Variants in EFCAB13 observed in about 807,000 individuals in gnomAD.
EFCAB13 encodes the protein EF-hand calcium-binding domain-containing protein 13.
Under a neutral mutation model 110.2 loss-of-function variants are expected in EFCAB13, and 91 were observed. That is an observed-to-expected ratio of 0.83 (90% confidence interval 0.70 to 0.98). The LOEUF (loss-of-function observed/expected upper bound fraction) is 0.98. EFCAB13 is among the 50% of genes least tolerant of loss of function. The pLI is 0.00. For missense variants in EFCAB13, 968 were observed against 1,119.4 expected, an observed-to-expected ratio of 0.86 and a Z score of 1.93; for synonymous variants, 323 against 369.9, an observed-to-expected ratio of 0.87 and a Z score of 1.45.
intron 14 of EFCAB13, among the ~76,000 whole-genome samples, chr17:47,383,274 T>C (rs754344322): frequency 1.3e-5 from 2 of 152,172 alleles, no homozygotes; most frequent in Non-Finnish European, 2.9e-5. Flanking sequence ...CATGTCTCTA[T>C]CTCTTTCTGT....
chr17:47,324,414 C>T (rs1246063354), intron 1 of EFCAB13, 40 bp from the exon 2 acceptor site: 1 of 152,072 alleles, frequency 6.6e-6, no homozygotes, highest in Non-Finnish European at 1.5e-5. Context: ...TCTTGCGGGT[C>T]GTTCACTCGC....
chr17:47,327,746 C>T (rs1598714012), intron 3 of EFCAB13, among the ~76,000 whole-genome samples: 2 of 152,134 alleles, frequency 1.3e-5, no homozygotes, highest in South Asian at 2.1e-4. Flanking sequence ...TGAACCACTG[C>T]GCCCGGCCTA....
chr17:47,416,065 T>C lies in EFCAB13; in HGVS notation c.2494+1146T>C, dbSNP rs117989602. On this transcript the variant is annotated intron_variant, in intron 23 of 24. Transcript: ENST00000331493. Reference sequence around the variant, plus strand: ...GTCTTTGTATCACATTTTTTACATTTTAATATCTCTAAAATTGGATGCCTT... The same window carrying C: ...GTCTTTGTATCACATTTTTTACATTCTAATATCTCTAAAATTGGATGCCTT... Among the ~76,000 whole-genome samples the C allele has an allele frequency of 4.8e-3, 727 of 152,288 alleles. 2 individuals are homozygous for C. The highest frequency in any genetic ancestry group is 0.01 in the Middle Eastern group (3 of 294).
At position 47,324,472 on chromosome 17, in the gene EFCAB13, G is replaced by C. The variant is rs561831341; in HGVS notation, c.-299G>C. 12 of 152,290 alleles carry C rather than the reference G, an allele frequency of 7.9e-5. No homozygotes were observed. The highest frequency in any genetic ancestry group is 2.9e-4 in the African/African-American group (12 of 41,534). The allele number at this position is 152,290 out of a possible 1,614,324, so 9.4% of individuals were successfully genotyped here. A position where few individuals can be genotyped will look rare whatever the true frequency, so the allele number is the denominator to read the frequency against. ...CCTGTAGAAGTCGTTGGCTTCGTAA[G>C]AGCAGGGTCTATGGGAAGCCTCCTC... On this transcript the variant is annotated 5_prime_UTR_variant, in exon 2 of 25. Transcript: ENST00000331493.
At position 47,374,542 on chromosome 17, in the gene EFCAB13, T is replaced by C; in HGVS notation, c.948T>C (p.Tyr316=). 9 of 1,585,086 alleles carry C rather than the reference T, an allele frequency of 5.7e-6. No individual in the cohort carries two copies. Among genetic ancestry groups the C allele is most frequent in the Non-Finnish European group, 7.7e-6 (9 of 1,171,632 alleles). The change falls in exon 12 of 25, where the codon TAT becomes TAC. Residue 316 remains tyrosine, a synonymous_variant. Transcript: ENST00000331493. ...AGTTATCAAGTGTAGCAGGATGCTA[T>C]CTAAAATATAAGAAGAAAAATAGTT... is the stretch of plus-strand genomic sequence containing the variant. The part of the protein sequence containing the change: ...DRKLSSVAGC[Y]LKYKKKNSLS...
chr17:47,332,578 A>T (rs1598717109), intron 4 of EFCAB13, among the ~76,000 whole-genome samples: 1 of 140,762 alleles, frequency 7.1e-6, no homozygotes. Context: ...AAACCTCTCC[A>T]CCCCCCAGCC....
chr17:47,362,930 A>G (rs11871153), intron 10 of EFCAB13, among the ~76,000 whole-genome samples: 13,363 of 152,036 alleles, frequency 0.088, 848 homozygotes, highest in East Asian at 0.35. Context: ...GGCCACTACC[A>G]GTCTCCGCAT....
chr17:47,345,112 C>A lies in EFCAB13; in HGVS notation c.517+14C>A. The A allele has an allele frequency of 1.3e-6, 2 of 1,559,264 alleles. No individual in the cohort carries two copies. The highest frequency in any genetic ancestry group is 2.4e-5 in the South Asian group (2 of 83,394). Reference sequence around the variant, plus strand: ...AAGAATTAAGTGGTAATAAGAGGTTCTAAAATTTCTTGAATACATTTCCTG... The same window carrying A: ...AAGAATTAAGTGGTAATAAGAGGTTATAAAATTTCTTGAATACATTTCCTG... On this transcript the variant is annotated intron_variant, in intron 8 of 24. Transcript: ENST00000331493.
intron 9 of EFCAB13, among the ~76,000 whole-genome samples, chr17:47,355,864 C>T (rs373846314): frequency 6.6e-6 from 1 of 152,026 alleles, no homozygotes; most frequent in Non-Finnish European, 1.5e-5. Context: ...AGCCACTGCA[C>T]CCAGCAGTGC....
intron 24 of EFCAB13, chr17:47,430,270 C>T: frequency 4.0e-6 from 4 of 1,003,092 alleles, no homozygotes; most frequent in Non-Finnish European, 4.8e-6. Context: ...AAAACAGGGT[C>T]CTGGAGGCCC....
intron 9 of EFCAB13, among the ~76,000 whole-genome samples, chr17:47,352,820 T>C (rs2065460732): frequency 6.6e-6 from 1 of 152,222 alleles, no homozygotes; most frequent in Non-Finnish European, 1.5e-5. Flanking sequence ...AATGTATTCC[T>C]AGGTACTTTG....
At chr17:47,352,181 C>T (rs111972438) in intron 9 of EFCAB13, among the ~76,000 whole-genome samples, 2,921 of 151,068 alleles carry the variant, frequency 0.019, 105 homozygotes, top group African/African-American at 0.067. Context: ...GGATTACAGG[C>T]GCGAGCCACC....
At chr17:47,387,645 C>T (rs776442966) in intron 14 of EFCAB13, among the ~76,000 whole-genome samples, 2 of 152,152 alleles carry the variant, frequency 1.3e-5, no homozygotes, top group Non-Finnish European at 1.5e-5. Flanking sequence ...ACATTGCTGT[C>T]TTATTAAGGT....
At chr17:47,347,552 G>A (rs1419602898) in intron 8 of EFCAB13, among the ~76,000 whole-genome samples, 2 of 152,050 alleles carry the variant, frequency 1.3e-5, no homozygotes, top group African/African-American at 4.8e-5. Context: ...CCATTCCTAG[G>A]GCAAGTTGTG....
intron 20 of EFCAB13, among the ~76,000 whole-genome samples, chr17:47,405,314 G>A (rs1489980805): frequency 1.3e-5 from 2 of 152,058 alleles, no homozygotes; most frequent in Non-Finnish European, 2.9e-5. Flanking sequence ...TTTCTGTAGG[G>A]CAAATTCCTT....
At chr17:47,434,059 C>T (rs1378695056) in intron 24 of EFCAB13, among the ~76,000 whole-genome samples, 1 of 151,860 alleles carries the variant, frequency 6.6e-6, no homozygotes. Flanking sequence ...TGATCCAGAG[C>T]AATCAGACAA....
intron 5 of EFCAB13, among the ~76,000 whole-genome samples, chr17:47,335,611 G>C (rs2065344973): frequency 6.6e-6 from 1 of 152,142 alleles, no homozygotes; most frequent in Admixed American, 6.5e-5. Context: ...AGAACTACTT[G>C]AGACTACGTA....
rs772111582 is a variant in EFCAB13 at position 47,374,916 on chromosome 17, G to A, written c.1322G>A (p.Ser441Asn). 1 of 1,599,988 alleles carries A rather than the reference G, an allele frequency of 6.3e-7. No homozygotes were observed. The highest frequency in any genetic ancestry group is 8.5e-7 in the Non-Finnish European group (1 of 1,176,352). The change falls in exon 12 of 25, where the codon AGT (serine) becomes AAT (asparagine). Residue 441 changes from serine to asparagine, a missense_variant. Coordinates refer to ENST00000331493, the MANE Select transcript of EFCAB13 (RefSeq NM_152347.5). ...AAGCCAGCTGTAAGAAAGCATTCCA[G>A]TCTCCAAAAACAGGTTTCGTCTACG... The part of the protein sequence containing the change: ...LQKPAVRKHS[S>N]LQKQVSSTEK...
At chr17:47,397,784 C>G (rs1404529728) in intron 17 of EFCAB13, among the ~76,000 whole-genome samples, 2 of 151,678 alleles carry the variant, frequency 1.3e-5, no homozygotes, top group Admixed American at 6.6e-5. Context: ...GGCAACCGCC[C>G]GTCTGAGAAG....
Sources: allele counts gnomAD v4.1 joint callset (sites outside exome capture counted in the v4.1 genomes callset), GRCh38; gene constraint gnomAD v4.1.1; transcripts MANE v1.5; gene names NCBI Gene and HGNC (gene_info 2026-07-23, HGNC 2026-07-21).